GATA4: variants seen among roughly 807,000 people sequenced by gnomAD.
GATA4 encodes the protein GATA binding protein 4.
Under a neutral mutation model 37.9 loss-of-function variants are expected in GATA4, and 7 were observed. The observed-to-expected ratio is 0.18, with a 90% CI of 0.11 to 0.35. The LOEUF is 0.35. GATA4 is among the 10% of genes least tolerant of loss of function. GATA4 has a pLI of 1.00. For synonymous variants in GATA4, 372 were observed against 292.6 expected (o/e 1.27, Z -2.77); for missense variants, 647 against 653.0 (o/e 0.99, Z 0.10).
chr8:11,711,365 A>G (rs754270862), intron 2 of GATA4, among the ~76,000 whole-genome samples: 16 of 152,194 alleles, frequency 1.1e-4, no homozygotes, highest in Admixed American at 5.2e-4. Context: ...CACCCAGCCA[A>G]GTGTTTTAGG....
intron 2 of GATA4, among the ~76,000 whole-genome samples, chr8:11,744,770 G>A (rs1260696562): frequency 6.6e-6 from 1 of 152,140 alleles, no homozygotes; most frequent in Non-Finnish European, 1.5e-5. Flanking sequence ...GTTGACTATT[G>A]GATGTCTTTA....
intron 6 of GATA4, 127 bp downstream of exon 6, chr8:11,757,210 T>G: frequency 5.0e-6 from 7 of 1,394,762 alleles, no homozygotes; most frequent in Non-Finnish European, 6.8e-6. Flanking sequence ...AGCTACCCTC[T>G]GCGCTAGGAA....
At chr8:11,697,123 C>G (rs1799530991) in intron 1 of GATA4, among the ~76,000 whole-genome samples, 1 of 152,214 alleles carries the variant, frequency 6.6e-6, no homozygotes, top group South Asian at 2.1e-4. Context: ...CCCTTTGCAC[C>G]TTGGATTTTC....
rs1368132821 is a variant in GATA4 at position 11,686,262 on chromosome 8, G to T, written c.-274+9199G>T. Among the ~76,000 whole-genome samples the T allele has an allele frequency of 2.0e-5, 3 of 151,096 alleles. No homozygotes were observed. In the South Asian group the frequency reaches 6.3e-4, roughly 32 times the overall value. On this transcript the variant is annotated intron_variant, in intron 1 of 6. Transcript: ENST00000528712. ...ATGTAGCACATCCCAGTCAACAGAAGATAAAAGTAACATCGAGATAAAGAC... is the reference window on the plus strand; with the variant it reads ...ATGTAGCACATCCCAGTCAACAGAATATAAAAGTAACATCGAGATAAAGAC...
At chr8:11,714,550 G>T (rs1161101021) in intron 2 of GATA4, among the ~76,000 whole-genome samples, 1 of 152,190 alleles carries the variant, frequency 6.6e-6, no homozygotes, top group East Asian at 1.9e-4. Flanking sequence ...ACCCTGAGCA[G>T]GTCAGTCAGA....
At chr8:11,752,260 C>T (rs532832460) in intron 4 of GATA4, among the ~76,000 whole-genome samples, 1 of 152,140 alleles carries the variant, frequency 6.6e-6, no homozygotes, top group Non-Finnish European at 1.5e-5. Context: ...GGTGAACACA[C>T]ACACACAAAT....
chr8:11,737,985 A>C (rs1261589382), intron 2 of GATA4, among the ~76,000 whole-genome samples: 1 of 152,086 alleles, frequency 6.6e-6, no homozygotes, highest in Non-Finnish European at 1.5e-5. Flanking sequence ...GTTCAAGACC[A>C]CCCTGACCAA....
chr8:11,725,272 T>C (rs1950288172), intron 2 of GATA4, among the ~76,000 whole-genome samples: 1 of 152,222 alleles, frequency 6.6e-6, no homozygotes, highest in South Asian at 2.1e-4. Flanking sequence ...ATAGCTTTAT[T>C]TGCTGGGTGG....
Position 11,708,252 on chromosome 8 carries a change from G to T in GATA4, c.-61G>T. 1 of 1,520,850 alleles carries T rather than the reference G, an allele frequency of 6.6e-7. No homozygotes were observed. Among genetic ancestry groups the T allele is most frequent in the Non-Finnish European group, 8.8e-7 (1 of 1,134,634 alleles). 94.2% of individuals were successfully genotyped at this position (1,520,850 alleles called of 1,614,324 possible). On this transcript the variant is annotated 5_prime_UTR_variant, in exon 2 of 7. Transcript: ENST00000532059. This position sits in a 1 kb window ranked among gnomAD's most constrained non-coding sequence, Gnocchi z 6.7. ...GTTGTTGCCGTCGTTTTCTCTCCCC[G>T]CGTGGCTCCTTGACCTGCGAGGGAG...
At chr8:11,742,665 C>T (rs893038132) in intron 2 of GATA4, among the ~76,000 whole-genome samples, 3 of 152,220 alleles carry the variant, frequency 2.0e-5, no homozygotes, top group Non-Finnish European at 2.9e-5. Flanking sequence ...GTGTGGGCCT[C>T]CCCGTGACAG....
chr8:11,681,152 C>A lies in GATA4; in HGVS notation c.-274+4089C>A, dbSNP rs563207450. ...ACCGAGCCCAGGGAATCTCCAGCTCCGTTCTGTTCGCAGAACCTTCGGGGG... is the reference window on the plus strand; with the variant it reads ...ACCGAGCCCAGGGAATCTCCAGCTCAGTTCTGTTCGCAGAACCTTCGGGGG... On this transcript the variant is annotated intron_variant, in intron 1 of 6. Transcript: ENST00000528712. The A allele has an allele frequency of 4.1e-6, 4 of 985,228 alleles. No individual in the cohort carries two copies. The East Asian group carries it at 4.5e-4, about 112-fold the overall frequency. The allele number at this position is 985,228 out of a possible 1,614,324, so 61.0% of individuals were successfully genotyped here. A position where few individuals can be genotyped will look rare whatever the true frequency, so the allele number is the denominator to read the frequency against.
Position 11,708,125 on chromosome 8 carries a change from C to A in GATA4, c.-188C>A. On this transcript the variant is annotated 5_prime_UTR_variant, in exon 2 of 7. Coordinates refer to ENST00000532059, the MANE Select transcript of GATA4 (RefSeq NM_001308093.3). This position sits in a 1 kb window ranked among gnomAD's most constrained non-coding sequence, Gnocchi z 6.7. ...CCGGAGTAAACAAGAGCCTAGAGCC[C>A]TTTGCTCAATGCTGGATTTAATACG... The A allele has an allele frequency of 1.4e-6, 1 of 730,650 alleles. No individual in the cohort carries two copies. The highest frequency in any genetic ancestry group is 2.7e-5 in the East Asian group (1 of 36,928). 45.3% of individuals were successfully genotyped at this position (730,650 alleles called of 1,614,324 possible). A position where few individuals can be genotyped will look rare whatever the true frequency, so the allele number is the denominator to read the frequency against.
At chr8:11,680,197 G>A (rs769239693) in intron 1 of GATA4, among the ~76,000 whole-genome samples, 13 of 152,176 alleles carry the variant, frequency 8.5e-5, no homozygotes, top group African/African-American at 2.9e-4. Flanking sequence ...GCCGCTTAAC[G>A]TCCGGAATGT....
At chr8:11,692,163 C>T (rs1291016173), upstream of GATA4, 1 of 427,620 alleles carries the variant, frequency 2.3e-6, no homozygotes, top group Non-Finnish European at 3.1e-6. Flanking sequence ...AGCCCAGCAG[C>T]CTCACTCCTA....
intron 2 of GATA4, among the ~76,000 whole-genome samples, chr8:11,734,675 T>TG (rs1033017354): frequency 1.5e-4 from 23 of 152,012 alleles, no homozygotes; most frequent in East Asian, 9.6e-4. Context: ...TTAGTAGAGA[T>TG]GGGGGGGTTT....
intron 1 of GATA4, among the ~76,000 whole-genome samples, chr8:11,705,065 A>T (rs542429951): frequency 6.6e-6 from 1 of 152,042 alleles, no homozygotes; most frequent in African/African-American, 2.4e-5. Context: ...CCGTGGGCAG[A>T]GGGGGGTGCC....
rs576155631 is a variant in GATA4, at chr8:11,735,435, C to T, written c.617-13481C>T. Among the ~76,000 whole-genome samples the T allele has an allele frequency of 1.1e-4, 16 of 152,196 alleles. No individual in the cohort carries two copies. The South Asian group carries it at 3.3e-3, about 32-fold the overall frequency. On this transcript the variant is annotated intron_variant, in intron 2 of 6. Coordinates refer to ENST00000532059, the MANE Select transcript of GATA4 (RefSeq NM_001308093.3). Reference sequence around the variant, plus strand: ...GTGTTTTTATGTAATTTTAAAATTTCTAAAAATAAAAATGTTAATTAATGC... The same window carrying T: ...GTGTTTTTATGTAATTTTAAAATTTTTAAAAATAAAAATGTTAATTAATGC...
intron 2 of GATA4, among the ~76,000 whole-genome samples, chr8:11,743,561 A>G (rs116543625): frequency 0.014 from 2,196 of 152,354 alleles, 45 homozygotes; most frequent in Middle Eastern, 0.048. Flanking sequence ...GAGGGAGTGG[A>G]GAGCGGAACC....
At chr8:11,691,755 T>A (rs1369808828), upstream of GATA4, among the ~76,000 whole-genome samples, 1 of 152,032 alleles carries the variant, frequency 6.6e-6, no homozygotes, top group Non-Finnish European at 1.5e-5. Context: ...TAAGCTTCGC[T>A]CTACACTGAC....
Sources: allele counts gnomAD v4.1 joint callset (sites outside exome capture counted in the v4.1 genomes callset), GRCh38; gene constraint gnomAD v4.1.1; non-coding constraint Gnocchi (gnomAD v3.1); transcripts MANE v1.5; gene names NCBI Gene and HGNC (gene_info 2026-07-23, HGNC 2026-07-21).